ANO4: variants seen among roughly 807,000 people sequenced by gnomAD.
The protein encoded by ANO4 is anoctamin 4, also known as anoctamin-4.
Under a neutral mutation model 141.9 loss-of-function variants are expected in ANO4, and 69 were observed. The ratio of observed to expected loss-of-function variants is 0.49; its 90% CI spans 0.40 to 0.59. The LOEUF (loss-of-function observed/expected upper bound fraction) is 0.59, where lower values mean the gene tolerates loss of function less well. ANO4 is among the 20% of genes least tolerant of loss of function. The pLI is 0.00. For missense variants in ANO4, 894 were observed against 1,162.2 expected, an observed-to-expected ratio of 0.77 and a Z score of 3.36; for synonymous variants, 350 against 394.3, an observed-to-expected ratio of 0.89 and a Z score of 1.33.
At chr12:101,054,063 C>T (rs959385298) in intron 14 of ANO4, among the ~76,000 whole-genome samples, 1 of 152,146 alleles carries the variant, frequency 6.6e-6, no homozygotes, top group Admixed American at 6.5e-5. Flanking sequence ...CAGAAAAGAT[C>T]CAATTTCCAG....
intron 1 of ANO4, among the ~76,000 whole-genome samples, chr12:100,894,975 A>AAG (rs1275306074): frequency 6.6e-6 from 1 of 151,054 alleles, no homozygotes; most frequent in Admixed American, 6.6e-5. Flanking sequence ...CAAAAAAAAA[A>AAG]AAAAAAGAAA....
intron 1 of ANO4, among the ~76,000 whole-genome samples, chr12:100,854,563 GC>G (rs530475829): frequency 1.5e-4 from 23 of 151,958 alleles, no homozygotes; most frequent in Admixed American, 4.6e-4. Context: ...ATTTCTCCAT[GC>G]TGCATTCTGC....
intron 22 of ANO4, among the ~76,000 whole-genome samples, chr12:101,104,129 T>C (rs2136982200): frequency 6.6e-6 from 1 of 152,090 alleles, no homozygotes; most frequent in East Asian, 1.9e-4. Flanking sequence ...TCTCCCTTTT[T>C]TAAAACAGTA....
intron 1 of ANO4, among the ~76,000 whole-genome samples, chr12:100,858,496 A>G (rs910732780): frequency 3.9e-5 from 6 of 152,172 alleles, no homozygotes; most frequent in African/African-American, 1.2e-4. Flanking sequence ...TGTGGATTGT[A>G]TAATTAATTT....
At chr12:100,930,917 A>G (rs1017081079) in intron 3 of ANO4, among the ~76,000 whole-genome samples, 2 of 152,148 alleles carry the variant, frequency 1.3e-5, no homozygotes, top group Non-Finnish European at 2.9e-5. Context: ...TGTCTGCTCC[A>G]TGGCCCCTGA....
At chr12:100,792,020 C>A (rs75779046), upstream of ANO4, among the ~76,000 whole-genome samples, 2,199 of 151,880 alleles carry the variant, frequency 0.014, 59 homozygotes, top group African/African-American at 0.05. Context: ...AATTCTCATA[C>A]CTCCATTAAA....
chr12:101,019,834 T>C (rs1193771247), intron 8 of ANO4, among the ~76,000 whole-genome samples, 200 bp from the exon 9 acceptor site: 1 of 152,222 alleles, frequency 6.6e-6, no homozygotes, highest in Non-Finnish European at 1.5e-5. Flanking sequence ...ATGAACGATG[T>C]TGATGCTGAA....
chr12:101,103,049 G>C (rs2050252363), intron 22 of ANO4, among the ~76,000 whole-genome samples: 1 of 150,502 alleles, frequency 6.6e-6, no homozygotes, highest in South Asian at 2.1e-4. Flanking sequence ...TGTTTTGTAT[G>C]TTTGCTTATG....
chr12:101,106,101 T>C (rs1566256855), intron 22 of ANO4, among the ~76,000 whole-genome samples: 1 of 151,800 alleles, frequency 6.6e-6, no homozygotes, highest in Non-Finnish European at 1.5e-5. Flanking sequence ...AGCGAAACTC[T>C]GTCTCAAAAA....
intron 3 of ANO4, among the ~76,000 whole-genome samples, chr12:100,763,626 C>A (rs879407719): frequency 6.6e-6 from 1 of 152,236 alleles, no homozygotes; most frequent in African/African-American, 2.4e-5. Flanking sequence ...TTATCTCCCC[C>A]AGTCCTGCTG....
intron 3 of ANO4, among the ~76,000 whole-genome samples, chr12:100,787,475 A>G (rs1305800824): frequency 1.3e-5 from 2 of 152,208 alleles, no homozygotes; most frequent in African/African-American, 4.8e-5. Flanking sequence ...GGCTTGTGAC[A>G]GGTCTCATCC....
chr12:100,798,366 A>T (rs986942776), intron 1 of ANO4, among the ~76,000 whole-genome samples: 3 of 152,216 alleles, frequency 2.0e-5, no homozygotes, highest in Non-Finnish European at 4.4e-5. Context: ...GAGGCTTCTT[A>T]GAGGGAAGAC....
chr12:101,122,445 A>G (rs1363948281), intron 26 of ANO4, among the ~76,000 whole-genome samples: 1 of 152,204 alleles, frequency 6.6e-6, no homozygotes, highest in Non-Finnish European at 1.5e-5. Flanking sequence ...GGACTTCACC[A>G]TAAATTCTTT....
chr12:100,787,997 A>G (rs574679686), intron 3 of ANO4, among the ~76,000 whole-genome samples: 2 of 152,342 alleles, frequency 1.3e-5, no homozygotes, highest in South Asian at 2.1e-4. Flanking sequence ...GCTGTTGCTA[A>G]TTGAAAATGC....
intron 1 of ANO4, among the ~76,000 whole-genome samples, chr12:100,825,729 A>G (rs947357038): frequency 6.6e-6 from 1 of 152,100 alleles, no homozygotes; most frequent in Non-Finnish European, 1.5e-5. Context: ...ATATTTACAC[A>G]TAATTAACAC....
intron 9 of ANO4, among the ~76,000 whole-genome samples, chr12:101,022,212 T>A (rs557911582): frequency 6.2e-4 from 94 of 152,344 alleles, no homozygotes; most frequent in African/African-American, 2.2e-3. Context: ...TAGGTCTTTC[T>A]TAACTTTGAT....
intron 8 of ANO4, among the ~76,000 whole-genome samples, chr12:100,994,622 T>A (rs574153399): frequency 2.0e-5 from 3 of 152,344 alleles, no homozygotes; most frequent in African/African-American, 7.2e-5. Flanking sequence ...TTATTTTATT[T>A]TTGTAAACAC....
intron 3 of ANO4, among the ~76,000 whole-genome samples, chr12:100,924,357 G>C (rs1218855604): frequency 2.0e-5 from 3 of 152,076 alleles, no homozygotes; most frequent in African/African-American, 7.2e-5. Context: ...AACTGAGGGT[G>C]GAAGAAATTA....
intron 1 of ANO4, among the ~76,000 whole-genome samples, chr12:100,731,356 A>G (rs529064365): frequency 6.6e-6 from 1 of 152,072 alleles, no homozygotes; most frequent in African/African-American, 2.4e-5. Context: ...CCCTATGTTA[A>G]TTTTTTTACA....
Sources: gnomAD v4.1 joint callset for allele counts (sites outside exome capture counted in the v4.1 genomes callset) on GRCh38, gnomAD v4.1.1 for gene constraint, MANE v1.5 for transcripts, NCBI Gene and HGNC (gene_info 2026-07-23, HGNC 2026-07-21) for gene names.